The following ADAM12 variants were observed in gnomAD, a reference collection of about 807,000 sequenced individuals.
The protein encoded by ADAM12 is disintegrin and metalloproteinase domain-containing protein 12.
In ADAM12, 70 loss-of-function variants were observed where a neutral mutation model predicts 106.4. The ratio of observed to expected loss-of-function variants is 0.66; its 90% CI spans 0.54 to 0.80. The LOEUF (loss-of-function observed/expected upper bound fraction) is 0.80. Ranked by LOEUF, ADAM12 falls within the 30% of genes least tolerant of loss-of-function variation. The pLI is 0.00. For synonymous variants in ADAM12, 420 were observed against 433.5 expected (o/e 0.97, Z 0.39); for missense variants, 1,010 against 1,171.9 (o/e 0.86, Z 2.02).
intron 1 of ADAM12, among the ~76,000 whole-genome samples, chr10:126,335,291 C>T (rs1854660439): frequency 6.6e-6 from 1 of 152,178 alleles, no homozygotes; most frequent in African/African-American, 2.4e-5. Flanking sequence ...GGAGTTCTGG[C>T]TTGAAAGGGA....
intron 1 of ADAM12, among the ~76,000 whole-genome samples, chr10:126,334,618 A>G (rs897617592): frequency 1.1e-4 from 17 of 152,212 alleles, no homozygotes; most frequent in African/African-American, 3.9e-4. Context: ...GGTTATGGGA[A>G]AGCAGGCAAA....
chr10:126,351,937 G>A (rs1177258735), intron 1 of ADAM12, among the ~76,000 whole-genome samples: 1 of 152,018 alleles, frequency 6.6e-6, no homozygotes, highest in Non-Finnish European at 1.5e-5. Flanking sequence ...ATAGGACTCC[G>A]GCCTCGTCCC....
At chr10:126,287,993 G>A (rs558520108) in intron 2 of ADAM12, among the ~76,000 whole-genome samples, 5 of 151,518 alleles carry the variant, frequency 3.3e-5, no homozygotes, top group Admixed American at 6.6e-5. Context: ...AGGAGGAGTC[G>A]GGGATGCAGG....
Position 126,278,985 on chromosome 10 carries a change from G to T in ADAM12, c.190C>A (p.His64Asn). ...AGTCGAATATTCAGCACTTCTGGAT[G>T]ATTCTGAAAGATAAACAACAAAAGT... ...IPVKSFDSKN[H>N]PEVLNIRLQR... The change falls in exon 3 of 23, where the codon CAT (histidine) becomes AAT (asparagine). Residue 64 changes from histidine (H) to asparagine (N), a missense_variant. His to Asn is a moderately conservative substitution (Grantham distance 68). This residue lies in a region of ADAM12 where 391 missense variants were observed against 442.9 expected (regional missense o/e 0.88). Transcript: ENST00000448723. 2.5e-6 allele frequency: 4 copies of T among 1,611,836 alleles called. No homozygotes were observed. The highest frequency in any genetic ancestry group is 1.1e-5 in the South Asian group (1 of 90,714).
intron 3 of ADAM12, among the ~76,000 whole-genome samples, chr10:126,262,501 C>G (rs908442295): frequency 1.3e-4 from 20 of 152,112 alleles, no homozygotes; most frequent in African/African-American, 4.8e-4. Context: ...CAAATGTGTT[C>G]AAAAAGAGCA....
chr10:126,163,982 C>G (rs949201457), intron 3 of ADAM12, among the ~76,000 whole-genome samples: 3 of 152,108 alleles, frequency 2.0e-5, no homozygotes, highest in African/African-American at 7.2e-5. Context: ...ACTGATCATA[C>G]AGGGGGTATG....
chr10:126,374,103 T>C (rs1033049425), intron 1 of ADAM12, among the ~76,000 whole-genome samples: 5 of 152,136 alleles, frequency 3.3e-5, no homozygotes, highest in African/African-American at 1.2e-4. Flanking sequence ...GCAAGAGAAA[T>C]AGAAACTTCA....
At chr10:126,314,854 C>T (rs929113020) in intron 2 of ADAM12, among the ~76,000 whole-genome samples, 3 of 152,154 alleles carry the variant, frequency 2.0e-5, no homozygotes, top group African/African-American at 7.2e-5. Flanking sequence ...TCTCAGAGCA[C>T]AGTCAATGCA....
intron 12 of ADAM12, among the ~76,000 whole-genome samples, chr10:126,069,653 G>T (rs1374046622): frequency 1.3e-5 from 2 of 152,216 alleles, no homozygotes; most frequent in African/African-American, 4.8e-5. Context: ...TAATGATAGG[G>T]GTGGGGATGG....
At chr10:126,355,436 T>C (rs780506863) in intron 1 of ADAM12, among the ~76,000 whole-genome samples, 2 of 152,184 alleles carry the variant, frequency 1.3e-5, no homozygotes, top group Non-Finnish European at 2.9e-5. Context: ...CAACTAGCAA[T>C]TATCTACAGA....
At chr10:126,286,303 C>T (rs1959858404) in intron 2 of ADAM12, among the ~76,000 whole-genome samples, 1 of 152,018 alleles carries the variant, frequency 6.6e-6, no homozygotes, top group African/African-American at 2.4e-5. Flanking sequence ...GAGGGAATTA[C>T]CATCCAAAAA....
At chr10:126,363,522 G>A (rs1004140477) in intron 1 of ADAM12, among the ~76,000 whole-genome samples, 2 of 152,112 alleles carry the variant, frequency 1.3e-5, no homozygotes, top group African/African-American at 4.8e-5. Flanking sequence ...CTCCTGCTCT[G>A]AAGAGGTAGA....
intron 11 of ADAM12, among the ~76,000 whole-genome samples, chr10:126,075,567 A>C (rs1955084310): frequency 6.6e-6 from 1 of 152,210 alleles, no homozygotes; most frequent in Non-Finnish European, 1.5e-5. Context: ...TAAAAGAGCA[A>C]GGGAAGAGGG....
At chr10:126,100,861 T>G (rs912439933) in intron 9 of ADAM12, among the ~76,000 whole-genome samples, 22 of 152,190 alleles carry the variant, frequency 1.4e-4, no homozygotes, top group African/African-American at 4.3e-4. Flanking sequence ...GGGACAGGTT[T>G]TCCAGGGTGT....
intron 2 of ADAM12, among the ~76,000 whole-genome samples, chr10:126,323,808 A>G (rs556343500): frequency 1.1e-4 from 16 of 152,320 alleles, no homozygotes; most frequent in African/African-American, 3.4e-4. Context: ...GTCCAAATTA[A>G]TCTTTGAAAG....
At chr10:126,112,726 T>G (rs966164105) in intron 6 of ADAM12, among the ~76,000 whole-genome samples, 1 of 152,200 alleles carries the variant, frequency 6.6e-6, no homozygotes, top group Admixed American at 6.5e-5. Flanking sequence ...TTGTATAACA[T>G]TTATTCATCC....
intron 1 of ADAM12, among the ~76,000 whole-genome samples, chr10:126,366,974 C>T (rs967626191): frequency 1.3e-5 from 2 of 152,064 alleles, no homozygotes; most frequent in Non-Finnish European, 1.5e-5. Context: ...TTGGCAACTT[C>T]AGTTAAAGGT....
At chr10:126,162,445 G>A (rs1332557143) in intron 3 of ADAM12, among the ~76,000 whole-genome samples, 2 of 152,314 alleles carry the variant, frequency 1.3e-5, no homozygotes, top group East Asian at 1.9e-4. Context: ...AGGGCCTGAG[G>A]CAGGGAGACC....
chr10:126,355,954 G>T (rs1279676540), intron 1 of ADAM12, among the ~76,000 whole-genome samples: 1 of 152,154 alleles, frequency 6.6e-6, no homozygotes, highest in Non-Finnish European at 1.5e-5. Context: ...CATCTTCCAG[G>T]CCCAGCCTTA....
Sources: allele counts gnomAD v4.1 joint callset (sites outside exome capture counted in the v4.1 genomes callset), GRCh38; gene constraint gnomAD v4.1.1; regional missense constraint gnomAD v4.1.1; transcripts MANE v1.5; gene names NCBI Gene and HGNC (gene_info 2026-07-23, HGNC 2026-07-21).